The following LRP1B variants were observed in gnomAD, a reference collection of about 807,000 sequenced individuals.
LRP1B encodes the protein LDL receptor related protein 1B.
In LRP1B, 217 loss-of-function variants were observed where a neutral mutation model predicts 556.6. The observed-to-expected ratio is 0.39, with a 90% CI of 0.35 to 0.44. LRP1B has a LOEUF of 0.44. Among genes scored for constraint, LRP1B ranks in the 20% least tolerant of loss-of-function variants. LRP1B has a pLI of 1.00. For missense variants in LRP1B, 5,053 were observed against 5,620.8 expected (o/e 0.90, Z 3.23); for synonymous variants, 2,047 against 1,865.8 (o/e 1.10, Z -2.50).
Position 140,950,267 on chromosome 2 carries a change from C to G in LRP1B, c.3104G>C (p.Ser1035Thr), listed in dbSNP as rs2105299714. The change falls in exon 20 of 91, where the codon AGT becomes ACT. Residue 1035 changes from serine (S) to threonine (T), a missense_variant. By Grantham distance (58) the Ser-to-Thr change is moderately conservative. This residue lies in a region of LRP1B where 3,619 missense variants were observed against 3,931.9 expected (regional missense o/e 0.92). Coordinates refer to ENST00000389484, the MANE Select transcript of LRP1B (RefSeq NM_018557.3). The stretch of plus-strand genomic sequence containing the variant: ...AGTACAATTGATCTGGGCTTCATCA[C>G]TGAAGTCCCCACAGTCATTGTCACC... ...CDGDNDCGDF[S>T]DEAQINCTKE... The G allele has an allele frequency of 1.2e-6, 2 of 1,606,640 alleles. No individual in the cohort carries two copies. Among genetic ancestry groups the G allele is most frequent in the African/African-American group, 2.7e-5 (2 of 74,476 alleles).
At chr2:140,864,900 G>T (rs1475273860) in intron 27 of LRP1B, among the ~76,000 whole-genome samples, 2 of 151,962 alleles carry the variant, frequency 1.3e-5, no homozygotes, top group Non-Finnish European at 2.9e-5. Context: ...CACATTAATA[G>T]CTGAGACTCA....
At chr2:141,672,109 G>A (rs1350474932) in intron 2 of LRP1B, among the ~76,000 whole-genome samples, 6 of 152,108 alleles carry the variant, frequency 3.9e-5, no homozygotes, top group Non-Finnish European at 8.8e-5. Context: ...AACCTCATCT[G>A]GAAGGGTAGG....
intron 7 of LRP1B, among the ~76,000 whole-genome samples, chr2:141,091,611 G>C (rs1700174196): frequency 6.6e-6 from 1 of 152,262 alleles, no homozygotes; most frequent in East Asian, 1.9e-4. Flanking sequence ...CATCCTGTGA[G>C]GGGATGGCAA....
At chr2:141,980,558 T>C (rs970862921) in intron 1 of LRP1B, among the ~76,000 whole-genome samples, 2 of 152,132 alleles carry the variant, frequency 1.3e-5, no homozygotes, top group African/African-American at 4.8e-5. Context: ...ACTGGAAAGA[T>C]GGTTGTAAAA....
At chr2:140,833,367 C>T (rs1013118949) in intron 31 of LRP1B, among the ~76,000 whole-genome samples, 1 of 152,178 alleles carries the variant, frequency 6.6e-6, no homozygotes, top group Non-Finnish European at 1.5e-5. Context: ...TGTCACTTGG[C>T]AAACATTTAT....
At chr2:141,817,219 A>G (rs1032674760) in intron 1 of LRP1B, among the ~76,000 whole-genome samples, 1 of 152,180 alleles carries the variant, frequency 6.6e-6, no homozygotes, top group Admixed American at 6.5e-5. Flanking sequence ...TTCCTATTAT[A>G]TGAAACATAG....
chr2:140,642,136 G>C (rs918284441), intron 41 of LRP1B, among the ~76,000 whole-genome samples: 1 of 152,164 alleles, frequency 6.6e-6, no homozygotes, highest in African/African-American at 2.4e-5. Flanking sequence ...TTATCATTGA[G>C]AATCTGCCCC....
intron 67 of LRP1B, 24 bp from the exon 68 acceptor site, chr2:140,378,310 G>C (rs781148229): frequency 1.6e-6 from 2 of 1,289,888 alleles, no homozygotes; most frequent in South Asian, 2.4e-5. Flanking sequence ...AACAGCACAG[G>C]GTTATTCTAT....
At chr2:141,707,181 C>A (rs762515962) in intron 2 of LRP1B, among the ~76,000 whole-genome samples, 1 of 152,008 alleles carries the variant, frequency 6.6e-6, no homozygotes, top group Non-Finnish European at 1.5e-5. Flanking sequence ...GAATGTGTGA[C>A]GGTTTTGTTT....
intron 3 of LRP1B, among the ~76,000 whole-genome samples, chr2:141,455,372 C>A (rs556061206): frequency 6.6e-6 from 1 of 152,126 alleles, no homozygotes; most frequent in African/African-American, 2.4e-5. Context: ...CCAGAGGGCA[C>A]AGAATTCTCT....
intron 2 of LRP1B, among the ~76,000 whole-genome samples, chr2:141,762,217 C>A (rs764737078): frequency 2.0e-4 from 30 of 151,858 alleles, no homozygotes; most frequent in Admixed American, 7.9e-4. Flanking sequence ...CCTTTCAATT[C>A]CAATAAATTG....
At chr2:140,868,000 T>C (rs1379216327) in intron 26 of LRP1B, 99 bp downstream of exon 26, 2 of 1,329,370 alleles carry the variant, frequency 1.5e-6, no homozygotes, top group Non-Finnish European at 2.0e-6. Flanking sequence ...CCAATTTTAA[T>C]ATATGTATAC....
intron 7 of LRP1B, among the ~76,000 whole-genome samples, chr2:141,126,197 A>G (rs986860377): frequency 6.6e-6 from 1 of 151,794 alleles, no homozygotes; most frequent in Non-Finnish European, 1.5e-5. Flanking sequence ...ACGCCTGACT[A>G]ATTTTTTTGT....
chr2:141,991,705 AAGG>A (rs1023713216), intron 1 of LRP1B, among the ~76,000 whole-genome samples: 6 of 152,050 alleles, frequency 3.9e-5, no homozygotes, highest in African/African-American at 1.4e-4. Flanking sequence ...AAACTTACAT[AAGG>A]AGGAGGAATC....
chr2:140,717,289 CATTTCAATT>C (rs1165065005), intron 35 of LRP1B, among the ~76,000 whole-genome samples: 1 of 151,978 alleles, frequency 6.6e-6, no homozygotes, highest in African/African-American at 2.4e-5. Context: ...AACATAAGAG[CATTTCAATT>C]ATATCAAGAG....
chr2:141,928,222 A>G (rs1700389188), intron 1 of LRP1B, among the ~76,000 whole-genome samples: 1 of 152,220 alleles, frequency 6.6e-6, no homozygotes, highest in Admixed American at 6.6e-5. Context: ...AACAATATTT[A>G]AAGGATTTCA....
At chr2:141,909,549 T>A (rs1574484369) in intron 1 of LRP1B, among the ~76,000 whole-genome samples, 1 of 129,078 alleles carries the variant, frequency 7.7e-6, no homozygotes, top group Non-Finnish European at 1.7e-5. Flanking sequence ...TTTTTTTTTT[T>A]TTTTTTTTTT....
At chr2:141,703,358 G>T (rs753368687) in intron 2 of LRP1B, among the ~76,000 whole-genome samples, 1 of 151,880 alleles carries the variant, frequency 6.6e-6, no homozygotes, top group Non-Finnish European at 1.5e-5. Context: ...CCTCTCCAGG[G>T]TGTTAAATTA....
intron 21 of LRP1B, among the ~76,000 whole-genome samples, chr2:140,911,945 C>CT (rs1694431901): frequency 6.6e-6 from 1 of 151,646 alleles, no homozygotes; most frequent in South Asian, 2.1e-4. Flanking sequence ...ATAAATACTG[C>CT]TTGGAAAAGG....
Sources: allele counts gnomAD v4.1 joint callset (sites outside exome capture counted in the v4.1 genomes callset), GRCh38; gene constraint gnomAD v4.1.1; regional missense constraint gnomAD v4.1.1; transcripts MANE v1.5; gene names NCBI Gene and HGNC (gene_info 2026-07-23, HGNC 2026-07-21).